Variants in MUCL1 observed in about 807,000 individuals in gnomAD.
MUCL1 encodes the protein mucin like 1.
A neutral mutation model predicts 9.2 loss-of-function variants in MUCL1; 11 were observed. The observed-to-expected ratio is 1.19, with a 90% CI of 0.75 to 1.97. The LOEUF (loss-of-function observed/expected upper bound fraction) is 1.97. MUCL1 is among the 30% of genes most tolerant of loss of function. The probability of loss-of-function intolerance (pLI) is 0.00; values close to 1 mark genes in which losing one functional copy is unlikely to be tolerated. For synonymous variants in MUCL1, 48 were observed against 40.5 expected (o/e 1.19, Z -0.71); for missense variants, 144 against 110.9 (o/e 1.30, Z -1.34).
upstream of MUCL1, among the ~76,000 whole-genome samples, chr12:54,835,471 C>G (rs1959191432): frequency 6.6e-6 from 1 of 152,008 alleles, no homozygotes; most frequent in South Asian, 2.1e-4. Context: ...AAGATGGTGT[C>G]TCATTGTAGT....
rs1295213168 is a variant in MUCL1 at position 54,855,130 on chromosome 12, G to T, written c.73G>T (p.Ala25Ser). The T allele has an allele frequency of 6.2e-7, 1 of 1,613,156 alleles. No homozygotes were observed. The highest frequency in any genetic ancestry group is 8.5e-7 in the Non-Finnish European group (1 of 1,179,600). ...TTCTCTTTCAGAGAATCCGACAACA[G>T]CTGCTCCAGCTGACACGTATCCAGC... ...FLVSAQNPTT[A>S]APADTYPATG... The change falls in exon 2 of 4, where the codon GCT becomes TCT. Residue 25 changes from alanine to serine, a missense_variant. Transcript: ENST00000308796.
upstream of MUCL1, among the ~76,000 whole-genome samples, chr12:54,852,175 G>C (rs368928257): frequency 8.4e-4 from 127 of 152,062 alleles, 4 homozygotes; most frequent in East Asian, 1.5e-3. Context: ...TCATATGGAA[G>C]CAAAAAAGAG....
chr12:54,853,353 G>A (rs976030091), upstream of MUCL1, among the ~76,000 whole-genome samples: 3 of 152,142 alleles, frequency 2.0e-5, no homozygotes, highest in African/African-American at 4.8e-5. Context: ...CTCCCTTGCT[G>A]TCTTTACTTA....
chr12:54,856,973 T>G, intron 3 of MUCL1, 81 bp downstream of exon 3: 1 of 1,589,474 alleles, frequency 6.3e-7, no homozygotes, highest in Non-Finnish European at 8.6e-7. Flanking sequence ...AGAGACTCTA[T>G]TTTTGAGGTC....
chr12:54,848,343 T>G (rs1959285921), intron 1 of MUCL1, among the ~76,000 whole-genome samples: 1 of 152,116 alleles, frequency 6.6e-6, no homozygotes, highest in African/African-American at 2.4e-5. Context: ...GATCCTTGAG[T>G]AAATTTGGGG....
chr12:54,835,645 G>A (rs1392355032), upstream of MUCL1, among the ~76,000 whole-genome samples: 3 of 144,896 alleles, frequency 2.1e-5, no homozygotes, highest in African/African-American at 7.6e-5. Context: ...TGAGCTCCTT[G>A]TCTTGTTCCA....
At chr12:54,835,070 T>A (rs1208125259), upstream of MUCL1, among the ~76,000 whole-genome samples, 1 of 152,138 alleles carries the variant, frequency 6.6e-6, no homozygotes, top group Non-Finnish European at 1.5e-5. Context: ...TGCTAGTTGC[T>A]GCAAAAAACA....
rs1868316313 is a variant in MUCL1 at position 54,858,296 on chromosome 12, T to A, written c.*54T>A. Reference sequence around the variant, plus strand: ...TGGTCACAACTATTCATGCTTCCTGTGATTTCATCCAACTACTTACCTTGC... The same window carrying A: ...TGGTCACAACTATTCATGCTTCCTGAGATTTCATCCAACTACTTACCTTGC... On this transcript the variant is annotated 3_prime_UTR_variant, in exon 4 of 4. Coordinates refer to ENST00000308796, the MANE Select transcript of MUCL1 (RefSeq NM_058173.3). 2 of 1,605,978 alleles carry A rather than the reference T, an allele frequency of 1.2e-6. No individual in the cohort carries two copies. Among genetic ancestry groups the A allele is most frequent in the Non-Finnish European group, 8.5e-7 (1 of 1,173,000 alleles).
chr12:54,850,847 C>T (rs1565777628), upstream of MUCL1, among the ~76,000 whole-genome samples: 1 of 152,290 alleles, frequency 6.6e-6, no homozygotes, highest in East Asian at 1.9e-4. Flanking sequence ...TTAATGATTG[C>T]CATTCTAACT....
At chr12:54,851,638 A>G (rs1959341448), upstream of MUCL1, among the ~76,000 whole-genome samples, 4 of 152,212 alleles carry the variant, frequency 2.6e-5, no homozygotes, top group African/African-American at 9.7e-5. Flanking sequence ...TATTCAACGT[A>G]GTGTTGGAAG....
At chr12:54,851,738 A>G (rs1959342782), upstream of MUCL1, among the ~76,000 whole-genome samples, 1 of 152,188 alleles carries the variant, frequency 6.6e-6, no homozygotes, top group Non-Finnish European at 1.5e-5. Flanking sequence ...TGCAGATGAC[A>G]TGATTGTATA....
chr12:54,830,732 C>T (rs1959184268), exon 1 of MUCL1: 1 of 152,274 alleles, frequency 6.6e-6, no homozygotes, highest in Admixed American at 6.6e-5. Flanking sequence ...TCCCAACAGT[C>T]ACTTGAACTA....
chr12:54,851,373 T>A (rs185633111), upstream of MUCL1, among the ~76,000 whole-genome samples: 1 of 152,322 alleles, frequency 6.6e-6, no homozygotes, highest in Admixed American at 6.5e-5. Context: ...TCAATACACG[T>A]AATCCAGCAT....
At chr12:54,843,561 G>A (rs747201407) in intron 1 of MUCL1, among the ~76,000 whole-genome samples, 4 of 152,272 alleles carry the variant, frequency 2.6e-5, no homozygotes, top group Admixed American at 6.5e-5. Flanking sequence ...AGTTATCCTG[G>A]ATTATTCAGG....
chr12:54,858,113 G>C (rs1411308363), intron 3 of MUCL1, 80 bp from the exon 4 acceptor site: 2 of 1,533,370 alleles, frequency 1.3e-6, no homozygotes, highest in Non-Finnish European at 1.8e-6. Flanking sequence ...ACACTTGTTA[G>C]TTCCTTCAGA....
intron 1 of MUCL1, among the ~76,000 whole-genome samples, chr12:54,849,125 A>G (rs1959299381): frequency 6.6e-6 from 1 of 152,152 alleles, no homozygotes; most frequent in Non-Finnish European, 1.5e-5. Context: ...AAAAAGAAGA[A>G]AGAATGGTTT....
rs1189833125 is a variant in MUCL1, at chr12:54,858,379, T to C, written c.*137T>C. Reference sequence around the variant, plus strand: ...TTTTCTTTCAAATAAAAAATAACTATGAGCAACATAAAAATGGTATTTCTT... The same window carrying C: ...TTTTCTTTCAAATAAAAAATAACTACGAGCAACATAAAAATGGTATTTCTT... On this transcript the variant is annotated 3_prime_UTR_variant, in exon 4 of 4. Coordinates refer to ENST00000308796, the MANE Select transcript of MUCL1 (RefSeq NM_058173.3). 8.9e-7 allele frequency: 1 copy of C among 1,118,350 alleles called. No individual in the cohort carries two copies. Among genetic ancestry groups the C allele is most frequent in the African/African-American group, 1.6e-5 (1 of 64,228 alleles). 69.3% of individuals were successfully genotyped at this position (1,118,350 alleles called of 1,614,324 possible).
intron 1 of MUCL1, among the ~76,000 whole-genome samples, chr12:54,833,768 C>A (rs1959188603): frequency 7.7e-6 from 1 of 130,440 alleles, no homozygotes; most frequent in Admixed American, 9.7e-5. Context: ...GGGAATTGAA[C>A]AATGAGAACA....
upstream of MUCL1, among the ~76,000 whole-genome samples, chr12:54,835,823 C>T (rs1959192335): frequency 1.3e-5 from 2 of 151,928 alleles, no homozygotes; most frequent in Non-Finnish European, 2.9e-5. Context: ...TTTCTGTGTC[C>T]GTTGAGATGA....
Sources: gnomAD v4.1 joint callset for allele counts (sites outside exome capture counted in the v4.1 genomes callset) on GRCh38, gnomAD v4.1.1 for gene constraint, MANE v1.5 for transcripts, NCBI Gene and HGNC (gene_info 2026-07-23, HGNC 2026-07-21) for gene names.